The following DGKI variants were observed in gnomAD, a reference collection of about 807,000 sequenced individuals.
The protein encoded by DGKI is diacylglycerol kinase iota, also known as DAG kinase iota.
A neutral mutation model predicts 147.5 loss-of-function variants in DGKI; 55 were observed. The observed-to-expected ratio is 0.37, with a 90% CI of 0.30 to 0.47. DGKI has a LOEUF of 0.47. Ranked by LOEUF, DGKI falls within the 20% of genes least tolerant of loss-of-function variation. DGKI has a pLI of 1.00. For missense variants in DGKI, 1,007 were observed against 1,323.8 expected (o/e 0.76, Z 3.71); for synonymous variants, 469 against 477.1 (o/e 0.98, Z 0.22).
At chr7:137,578,447 G>A in intron 15 of DGKI, 122 bp from the exon 16 acceptor site, 1 of 701,570 alleles carries the variant, frequency 1.4e-6, no homozygotes, top group Non-Finnish European at 2.5e-6. Context: ...CCCATGGTTT[G>A]GTTATCATCT....
intron 9 of DGKI, 28 bp from the exon 10 acceptor site, chr7:137,609,092 A>T: frequency 6.3e-7 from 1 of 1,581,522 alleles, no homozygotes; most frequent in Non-Finnish European, 8.7e-7. Flanking sequence ...CACTGTTAGG[A>T]TACACATCCA....
rs117302763 is a variant in DGKI at position 137,840,536 on chromosome 7, G to A, written c.401+5926C>T. On this transcript the variant is annotated intron_variant, in intron 1 of 32. Coordinates refer to ENST00000614521, the MANE Select transcript of DGKI (RefSeq NM_001321708.2). ...CCGGAGAGCTAATTAGTGCTACTCA[G>A]AAGGCAAATTAAGGCCTTTTCTTTG... 2.1e-4 allele frequency among the ~76,000 whole-genome samples: 32 copies of A among 152,362 alleles called. No homozygotes were observed. In the East Asian group the frequency reaches 6.0e-3, roughly 28 times the overall value.
At chr7:137,845,633 T>C (rs911384511) in intron 1 of DGKI, among the ~76,000 whole-genome samples, 6 of 152,178 alleles carry the variant, frequency 3.9e-5, no homozygotes, top group Admixed American at 2.0e-4. Context: ...GAGACCTTAA[T>C]AAATCCTAAT....
chr7:137,490,206 G>T (rs1446697244), intron 21 of DGKI, among the ~76,000 whole-genome samples: 1 of 152,154 alleles, frequency 6.6e-6, no homozygotes, highest in African/African-American at 2.4e-5. Flanking sequence ...CAGTAGAAAG[G>T]ATTTGCAGTC....
chr7:137,444,021 G>C (rs1813614416), intron 28 of DGKI, 56 bp downstream of exon 28: 9 of 1,461,186 alleles, frequency 6.2e-6, no homozygotes, highest in Non-Finnish European at 7.5e-6. Flanking sequence ...GAACTGCAAA[G>C]ACCAGGGGTC....
intron 3 of DGKI, among the ~76,000 whole-genome samples, chr7:137,676,331 T>C (rs907344024): frequency 6.6e-6 from 1 of 152,252 alleles, no homozygotes; most frequent in African/African-American, 2.4e-5. Flanking sequence ...CAGATATCTA[T>C]TGGCAATTGG....
At chr7:137,716,843 AAAAC>A (rs1374649924) in intron 1 of DGKI, among the ~76,000 whole-genome samples, 1 of 152,226 alleles carries the variant, frequency 6.6e-6, no homozygotes, top group Non-Finnish European at 1.5e-5. Context: ...CCTTCTGTGA[AAAAC>A]AAATAACAAC....
chr7:137,520,731 T>G (rs895803247), intron 21 of DGKI, among the ~76,000 whole-genome samples: 1 of 152,066 alleles, frequency 6.6e-6, no homozygotes, highest in Non-Finnish European at 1.5e-5. Context: ...ACCAGGGATA[T>G]GGCTCCTCAC....
chr7:137,547,546 A>G (rs1009775393), intron 20 of DGKI, among the ~76,000 whole-genome samples: 1 of 152,208 alleles, frequency 6.6e-6, no homozygotes, highest in Admixed American at 6.5e-5. Flanking sequence ...TTTTATATTC[A>G]CAAAATTTTA....
chr7:137,523,989 T>A (rs1056730502), intron 20 of DGKI, among the ~76,000 whole-genome samples: 2 of 151,508 alleles, frequency 1.3e-5, no homozygotes, highest in East Asian at 3.8e-4. Flanking sequence ...GACTCTCTTG[T>A]CAATGGATAA....
chr7:137,738,732 C>G (rs928545372), intron 1 of DGKI, among the ~76,000 whole-genome samples: 22 of 147,826 alleles, frequency 1.5e-4, no homozygotes, highest in Non-Finnish European at 2.7e-4. Context: ...GTTCCCCCCC[C>G]CCCTTTCCTT....
rs544894886 is a variant in DGKI at position 137,390,895 on chromosome 7, C to A, written c.*325G>T. The A allele has an allele frequency of 6.6e-6, 2 of 303,656 alleles. No individual in the cohort carries two copies. The highest frequency in any genetic ancestry group is 7.0e-5 in the South Asian group (2 of 28,382). 18.8% of individuals were successfully genotyped at this position (303,656 alleles called of 1,614,324 possible). Reference sequence around the variant, plus strand: ...GGAGGATGGAGCAGTGCCATTTATACGAACATCCTTTGAATCTTTAAAATA... The same window carrying A: ...GGAGGATGGAGCAGTGCCATTTATAAGAACATCCTTTGAATCTTTAAAATA... On this transcript the variant is annotated 3_prime_UTR_variant, in exon 33 of 33. Transcript: ENST00000614521.
intron 1 of DGKI, among the ~76,000 whole-genome samples, chr7:137,714,943 A>T (rs1338311041): frequency 6.6e-6 from 1 of 152,100 alleles, no homozygotes; most frequent in Admixed American, 6.5e-5. Context: ...TCCACCTGAA[A>T]TGGCTTTGTC....
chr7:137,741,266 G>A (rs1160875214), intron 1 of DGKI, among the ~76,000 whole-genome samples: 4 of 152,188 alleles, frequency 2.6e-5, no homozygotes, highest in East Asian at 3.8e-4. Context: ...AGTCAGGTGC[G>A]CTCTTCCGTA....
intron 21 of DGKI, among the ~76,000 whole-genome samples, chr7:137,505,608 G>A (rs1017233346): frequency 5.3e-5 from 8 of 151,096 alleles, no homozygotes; most frequent in South Asian, 2.1e-4. Context: ...TTGTTTCAGA[G>A]TGTAAATTTG....
intron 1 of DGKI, among the ~76,000 whole-genome samples, chr7:137,733,502 C>T (rs1794941170): frequency 6.6e-6 from 1 of 152,042 alleles, no homozygotes; most frequent in South Asian, 2.1e-4. Context: ...TCAATGAATA[C>T]TTGGATTATT....
chr7:137,638,609 TATAC>T (rs1383996631), intron 6 of DGKI, among the ~76,000 whole-genome samples: 43 of 1,916 alleles, frequency 0.022, 13 homozygotes, highest in African/African-American at 0.06. Flanking sequence ...TATGTATATA[TATAC>T]ACACACACAT....
intron 1 of DGKI, among the ~76,000 whole-genome samples, chr7:137,732,420 T>C (rs536228335): frequency 4.6e-5 from 7 of 152,198 alleles, no homozygotes; most frequent in Admixed American, 1.3e-4. Flanking sequence ...CAATACAATA[T>C]GCTGTAAGAA....
At chr7:137,647,273 A>C (rs1821859078) in intron 5 of DGKI, among the ~76,000 whole-genome samples, 1 of 152,212 alleles carries the variant, frequency 6.6e-6, no homozygotes, top group Admixed American at 6.5e-5. Flanking sequence ...ATTGAAATAT[A>C]TGTTGATTGG....
Sources: gnomAD v4.1 joint callset for allele counts (sites outside exome capture counted in the v4.1 genomes callset) on GRCh38, gnomAD v4.1.1 for gene constraint, MANE v1.5 for transcripts, NCBI Gene and HGNC (gene_info 2026-07-23, HGNC 2026-07-21) for gene names.